The following MAP4K4 variants were observed in gnomAD, a reference collection of about 807,000 sequenced individuals.
MAP4K4 encodes HPK/GCK-like kinase HGK.
A neutral mutation model predicts 189.6 loss-of-function variants in MAP4K4; 38 were observed. The observed-to-expected ratio is 0.20, with a 90% CI of 0.15 to 0.26. The LOEUF is 0.26. Ranked by LOEUF, MAP4K4 falls within the 10% of genes least tolerant of loss-of-function variation. MAP4K4 has a pLI of 1.00. For missense variants in MAP4K4, 1,054 were observed against 1,726.9 expected, an observed-to-expected ratio of 0.61 and a Z score of 6.91; for synonymous variants, 610 against 624.3, an observed-to-expected ratio of 0.98 and a Z score of 0.34.
At chr2:101,862,858 T>C (rs1239566371) in intron 16 of MAP4K4, among the ~76,000 whole-genome samples, 1 of 152,230 alleles carries the variant, frequency 6.6e-6, no homozygotes, top group South Asian at 2.1e-4. Flanking sequence ...AGAACTAATT[T>C]CACATCTTGT....
At chr2:101,882,388 C>T (rs1252763524) in intron 27 of MAP4K4, among the ~76,000 whole-genome samples, 163 bp from the exon 28 acceptor site, 1 of 151,974 alleles carries the variant, frequency 6.6e-6, no homozygotes, top group African/African-American at 2.4e-5. Flanking sequence ...ATTATGACTC[C>T]CTTGTCAGCT....
chr2:101,846,864 T>G (rs2097126202), intron 12 of MAP4K4, among the ~76,000 whole-genome samples: 1 of 152,228 alleles, frequency 6.6e-6, no homozygotes, highest in Admixed American at 6.5e-5. Context: ...TTAAGCTTTA[T>G]TTACACTCCA....
chr2:101,789,849 C>T (rs971229680), intron 2 of MAP4K4, among the ~76,000 whole-genome samples: 1 of 152,040 alleles, frequency 6.6e-6, no homozygotes, highest in Non-Finnish European at 1.5e-5. Context: ...ACCCAGTACT[C>T]CTCATCTGGG....
At chr2:101,715,283 T>C (rs1389272114) in intron 2 of MAP4K4, among the ~76,000 whole-genome samples, 1 of 152,248 alleles carries the variant, frequency 6.6e-6, no homozygotes, top group Non-Finnish European at 1.5e-5. Flanking sequence ...AACAGCCTTA[T>C]TTTAATTCAG....
intron 9 of MAP4K4, 114 bp from the exon 10 acceptor site, chr2:101,839,705 A>G (rs1262099100): frequency 4.0e-6 from 3 of 758,062 alleles, no homozygotes; most frequent in Non-Finnish European, 6.3e-6. Context: ...GCATTTGCAG[A>G]ATGTTCACAG....
At chr2:101,826,019 G>A (rs976336677) in intron 5 of MAP4K4, among the ~76,000 whole-genome samples, 6 of 152,118 alleles carry the variant, frequency 3.9e-5, no homozygotes, top group African/African-American at 1.4e-4. Flanking sequence ...ACAGGCAGAG[G>A]GTTTCTAGGA....
chr2:101,839,767 C>T (rs1043141977), intron 9 of MAP4K4, 52 bp from the exon 10 acceptor site: 13 of 1,380,938 alleles, frequency 9.4e-6, no homozygotes, highest in African/African-American at 5.8e-5. Flanking sequence ...CTGATATTTT[C>T]GATCTTTACT....
At chr2:101,755,121 G>A (rs911109050) in intron 2 of MAP4K4, among the ~76,000 whole-genome samples, 1 of 151,572 alleles carries the variant, frequency 6.6e-6, no homozygotes, top group African/African-American at 2.4e-5. Flanking sequence ...TAATGACTGA[G>A]AATGACAGTG....
intron 12 of MAP4K4, among the ~76,000 whole-genome samples, chr2:101,853,016 G>A (rs79024934): frequency 0.022 from 3,419 of 152,230 alleles, 56 homozygotes; most frequent in Non-Finnish European, 0.038. Flanking sequence ...CCTCAACCCC[G>A]TAGGATATTG....
intron 2 of MAP4K4, among the ~76,000 whole-genome samples, chr2:101,721,116 A>G (rs1250570002): frequency 1.3e-5 from 2 of 152,228 alleles, no homozygotes; most frequent in Non-Finnish European, 2.9e-5. Flanking sequence ...AGCTTTTACA[A>G]TTGAGTTTCC....
At chr2:101,729,069 T>TAG (rs1397367179) in intron 2 of MAP4K4, among the ~76,000 whole-genome samples, 1 of 85,094 alleles carries the variant, frequency 1.2e-5, no homozygotes, top group Non-Finnish European at 2.3e-5. Flanking sequence ...AGAAAATGAT[T>TAG]AGAGAGAGGA....
chr2:101,747,416 C>A (rs2066216606), intron 2 of MAP4K4, among the ~76,000 whole-genome samples: 1 of 152,092 alleles, frequency 6.6e-6, no homozygotes, highest in Admixed American at 6.5e-5. Flanking sequence ...CCATGCCCGG[C>A]CTTGTGTCCG....
chr2:101,698,505 G>T (rs751075885), exon 2 of MAP4K4: 1 of 1,613,810 alleles, frequency 6.2e-7, no homozygotes, highest in East Asian at 2.2e-5. Context: ...TGGTGGAAGT[G>T]GTTGGAAATG....
chr2:101,848,600 G>A (rs1487408610), intron 12 of MAP4K4, among the ~76,000 whole-genome samples: 1 of 152,150 alleles, frequency 6.6e-6, no homozygotes, highest in East Asian at 1.9e-4. Flanking sequence ...ACAAAACCAG[G>A]CCCACTGGGG....
rs1451599355 is a variant in MAP4K4, at chr2:101,840,001, A to C, written c.949+7A>C. ...AAGAAGAGAGGCGAGAAAGGTACTA[A>C]GCCTGTTTTTGTTTTCATCCTTTAA... is the stretch of plus-strand genomic sequence containing the variant. On this transcript the variant is annotated splice_region_variant and intron_variant, in intron 10 of 32. Coordinates refer to ENST00000324219, the Ensembl canonical transcript of MAP4K4. The C allele has an allele frequency of 2.5e-6, 4 of 1,580,940 alleles. No individual in the cohort carries two copies. The highest frequency in any genetic ancestry group is 3.4e-6 in the Non-Finnish European group (4 of 1,169,402).
At chr2:101,754,343 T>G (rs2071042829) in intron 2 of MAP4K4, among the ~76,000 whole-genome samples, 3 of 2,536 alleles carry the variant, frequency 1.2e-3, no homozygotes, top group South Asian at 0.016. Context: ...TTTTTGCTGT[T>G]TTTTTTTTTT....
At chr2:101,772,047 T>C (rs376726548) in intron 2 of MAP4K4, among the ~76,000 whole-genome samples, 11 of 152,318 alleles carry the variant, frequency 7.2e-5, no homozygotes, top group East Asian at 3.9e-4. Context: ...TAAGCCCTAT[T>C]GTCCCTGTGC....
chr2:101,891,987 TAAAAAAAAAAA>T (rs60620198), exon 33 of MAP4K4: 22 of 59,820 alleles, frequency 3.7e-4, no homozygotes, highest in East Asian at 3.6e-3. Flanking sequence ...CAGATGGTTC[TAAAAAAAAAAA>T]AAAAAAAAAA....
intron 2 of MAP4K4, among the ~76,000 whole-genome samples, chr2:101,760,693 C>T (rs2075986548): frequency 6.6e-6 from 1 of 151,970 alleles, no homozygotes; most frequent in Non-Finnish European, 1.5e-5. Flanking sequence ...GTAAAATACT[C>T]TCTGTTAGAA....
Sources: allele counts gnomAD v4.1 joint callset (sites outside exome capture counted in the v4.1 genomes callset), GRCh38; gene constraint gnomAD v4.1.1; transcripts MANE v1.5; gene names NCBI Gene and HGNC (gene_info 2026-07-23, HGNC 2026-07-21).